Variants in RNF150 observed in about 807,000 individuals in gnomAD.
RNF150 encodes the protein ring finger protein 150.
A neutral mutation model predicts 39.3 loss-of-function variants in RNF150; 24 were observed. The observed-to-expected ratio is 0.61, with a 90% CI of 0.44 to 0.86. The LOEUF is 0.86. RNF150 is among the 40% of genes least tolerant of loss of function. The probability of loss-of-function intolerance (pLI) is 0.00; values close to 1 mark genes in which losing one functional copy is unlikely to be tolerated. For synonymous variants in RNF150, 255 were observed against 227.3 expected (o/e 1.12, Z -1.10); for missense variants, 502 against 587.8 (o/e 0.85, Z 1.51).
chr4:141,194,820 C>T (rs1356484558), intron 1 of RNF150, among the ~76,000 whole-genome samples: 10 of 152,096 alleles, frequency 6.6e-5, no homozygotes, highest in East Asian at 3.9e-4. Context: ...CCAGACTGCC[C>T]GAGTTCAAAT....
intron 6 of RNF150, among the ~76,000 whole-genome samples, chr4:140,875,218 G>A (rs938598667): frequency 6.7e-6 from 1 of 149,692 alleles, no homozygotes; most frequent in African/African-American, 2.5e-5. Flanking sequence ...ACCCAGGCTG[G>A]AGTGCAGTGG....
At chr4:141,203,308 A>C (rs1728320032) in intron 1 of RNF150, among the ~76,000 whole-genome samples, 1 of 149,244 alleles carries the variant, frequency 6.7e-6, no homozygotes, top group South Asian at 2.1e-4. Context: ...TATCTTGGAG[A>C]TATATAATCT....
chr4:140,968,029 A>C (rs1733319109), intron 1 of RNF150, among the ~76,000 whole-genome samples, 156 bp from the exon 2 acceptor site: 1 of 152,118 alleles, frequency 6.6e-6, no homozygotes, highest in African/African-American at 2.4e-5. Flanking sequence ...TTAGAAACCA[A>C]GTCAAATTTT....
chr4:141,143,590 C>T (rs1033569353), intron 1 of RNF150, among the ~76,000 whole-genome samples: 4 of 152,324 alleles, frequency 2.6e-5, no homozygotes, highest in African/African-American at 4.8e-5. Flanking sequence ...AGTCTCCACA[C>T]GGCAAGTCAG....
chr4:141,007,137 T>C (rs60863052), intron 1 of RNF150, among the ~76,000 whole-genome samples: 11,541 of 152,294 alleles, frequency 0.076, 492 homozygotes, highest in Middle Eastern at 0.16. Context: ...TCCCCATCTC[T>C]TCGTTTTAGA....
intron 2 of RNF150, among the ~76,000 whole-genome samples, chr4:140,953,228 A>C (rs969227872): frequency 6.6e-6 from 1 of 152,220 alleles, no homozygotes; most frequent in African/African-American, 2.4e-5. Flanking sequence ...AAATCAAATG[A>C]TTCACAAAGG....
intron 1 of RNF150, among the ~76,000 whole-genome samples, chr4:141,063,989 T>C (rs1478220553): frequency 3.3e-5 from 1 of 30,234 alleles, no homozygotes; most frequent in East Asian, 6.6e-4. Flanking sequence ...CAAAAAGTTC[T>C]ACAAAAAAAA....
intron 6 of RNF150, among the ~76,000 whole-genome samples, chr4:140,886,726 C>T (rs770867942): frequency 6.6e-6 from 1 of 152,138 alleles, no homozygotes; most frequent in Non-Finnish European, 1.5e-5. Flanking sequence ...CCAGCAATCC[C>T]CCTCTACCTC....
rs148456690 is a variant in RNF150 at position 140,996,180 on chromosome 4, G to A, written c.485-28307C>T. Reference sequence around the variant, plus strand: ...GGATAGAAACCATTTTAACTTGGGTGAGATGATATCTCATAGTAGTTTTGA... The same window carrying A: ...GGATAGAAACCATTTTAACTTGGGTAAGATGATATCTCATAGTAGTTTTGA... On this transcript the variant is annotated intron_variant, in intron 1 of 6. Coordinates refer to ENST00000515673, the MANE Select transcript of RNF150 (RefSeq NM_020724.2). 1.4e-3 allele frequency among the ~76,000 whole-genome samples: 215 copies of A among 152,236 alleles called. 1 individual carries two copies. The highest frequency in any genetic ancestry group is 2.5e-3 in the Non-Finnish European group (173 of 68,006).
intron 1 of RNF150, among the ~76,000 whole-genome samples, chr4:141,003,368 A>C (rs1175076358): frequency 6.6e-6 from 1 of 152,150 alleles, no homozygotes. Context: ...TATTGGACTG[A>C]ACTACAACCC....
chr4:140,947,215 CTACT>C (rs886480650), intron 4 of RNF150, among the ~76,000 whole-genome samples: 1 of 151,790 alleles, frequency 6.6e-6, no homozygotes, highest in African/African-American at 2.4e-5. Context: ...CCTTGGCTTC[CTACT>C]TACTTCTGAC....
In RNF150 at chr4:141,132,971, T is replaced by G; in HGVS notation, c.-163A>C. On this transcript the variant is annotated 5_prime_UTR_variant, in exon 1 of 7. Coordinates refer to ENST00000515673, the MANE Select transcript of RNF150 (RefSeq NM_020724.2). This position sits in a 1 kb window ranked among gnomAD's most constrained non-coding sequence, Gnocchi z 4.9. Reference sequence around the variant, plus strand: ...ACGCGCAGCCGCCGCGGGGACCGGATTCCGGGCGAGCGGATGGCGCTGGCC... The same window carrying G: ...ACGCGCAGCCGCCGCGGGGACCGGAGTCCGGGCGAGCGGATGGCGCTGGCC... The G allele has an allele frequency of 1.2e-5, 7 of 569,804 alleles. No homozygotes were observed. The highest frequency in any genetic ancestry group is 3.4e-5 in the East Asian group (1 of 29,318). The allele number at this position is 569,804 out of a possible 1,614,324, so 35.3% of individuals were successfully genotyped here. A position where few individuals can be genotyped will look rare whatever the true frequency, so the allele number is the denominator to read the frequency against.
At chr4:141,118,679 GC>G (rs1560747898) in intron 1 of RNF150, among the ~76,000 whole-genome samples, 2 of 152,150 alleles carry the variant, frequency 1.3e-5, no homozygotes, top group South Asian at 2.1e-4. Flanking sequence ...GCAAAGTGAT[GC>G]CCCATTTCAG....
intron 6 of RNF150, among the ~76,000 whole-genome samples, chr4:140,894,358 G>A (rs1458347918): frequency 6.6e-6 from 1 of 152,112 alleles, no homozygotes; most frequent in East Asian, 1.9e-4. Context: ...GTTTTATGAT[G>A]TTTTCTCTCC....
chr4:141,190,147 G>A (rs1728081758), intron 1 of RNF150, among the ~76,000 whole-genome samples: 1 of 152,132 alleles, frequency 6.6e-6, no homozygotes, highest in Non-Finnish European at 1.5e-5. Context: ...TTGCCCTCCA[G>A]GGGCTGTACC....
intron 1 of RNF150, among the ~76,000 whole-genome samples, chr4:141,122,433 C>T (rs1206222832): frequency 6.6e-6 from 1 of 152,238 alleles, no homozygotes; most frequent in Non-Finnish European, 1.5e-5. Context: ...GTCTTTTCTC[C>T]TTCAAAGGAG....
chr4:140,977,907 C>T (rs1236152980), intron 1 of RNF150, among the ~76,000 whole-genome samples: 1 of 152,100 alleles, frequency 6.6e-6, no homozygotes, highest in African/African-American at 2.4e-5. Flanking sequence ...ATCCGCTTTT[C>T]TACACTAGGG....
intron 1 of RNF150, among the ~76,000 whole-genome samples, chr4:141,096,289 C>T (rs960096027): frequency 2.4e-4 from 36 of 149,638 alleles, no homozygotes; most frequent in African/African-American, 8.7e-4. Context: ...TTCCACCTCC[C>T]GGGTTCAAGC....
chr4:141,152,067 CA>C (rs1221437688), intron 1 of RNF150, among the ~76,000 whole-genome samples: 1 of 151,960 alleles, frequency 6.6e-6, no homozygotes, highest in Non-Finnish European at 1.5e-5. Context: ...TCAATTTTAA[CA>C]ATGGCTTTTA....
Sources: gnomAD v4.1 joint callset for allele counts (sites outside exome capture counted in the v4.1 genomes callset) on GRCh38, gnomAD v4.1.1 for gene constraint, Gnocchi (gnomAD v3.1) non-coding constraint, MANE v1.5 for transcripts, NCBI Gene and HGNC (gene_info 2026-07-23, HGNC 2026-07-21) for gene names.